Variants in DUSP16 observed in about 807,000 individuals in gnomAD.
DUSP16 encodes dual specificity phosphatase 16.
Under a neutral mutation model 58.3 loss-of-function variants are expected in DUSP16, and 21 were observed. That is an observed-to-expected ratio of 0.36 (90% CI 0.26 to 0.52). DUSP16 has a LOEUF of 0.52. Among genes scored for constraint, DUSP16 ranks in the 20% least tolerant of loss-of-function variants. The pLI is 0.94. For missense variants in DUSP16, 726 were observed against 819.0 expected (o/e 0.89, Z 1.39); for synonymous variants, 320 against 323.8 (o/e 0.99, Z 0.12).
At chr12:12,538,411 T>C (rs1304450532) in intron 1 of DUSP16, among the ~76,000 whole-genome samples, 13 of 152,224 alleles carry the variant, frequency 8.5e-5, no homozygotes. Context: ...CTAGTGCATG[T>C]CTTCTGGCAA....
chr12:12,500,480 T>A (rs376727482), intron 4 of DUSP16, 39 bp downstream of exon 4: 6 of 1,570,502 alleles, frequency 3.8e-6, no homozygotes, highest in Non-Finnish European at 4.3e-6. Flanking sequence ...CAGCTAACAA[T>A]ATAAACCCAG....
chr12:12,555,920 A>T (rs1267924458), intron 1 of DUSP16, among the ~76,000 whole-genome samples: 1 of 152,234 alleles, frequency 6.6e-6, no homozygotes. Flanking sequence ...ACATGCCTAT[A>T]GTCCTAGCTA....
intron 1 of DUSP16, among the ~76,000 whole-genome samples, chr12:12,557,057 T>C (rs563558443): frequency 3.3e-5 from 5 of 152,140 alleles, no homozygotes; most frequent in South Asian, 4.2e-4. Flanking sequence ...AAAAGCTAAC[T>C]GAACAGTAAA....
chr12:12,514,649 C>G (rs571906380), intron 3 of DUSP16, among the ~76,000 whole-genome samples: 14 of 152,276 alleles, frequency 9.2e-5, no homozygotes, highest in African/African-American at 3.1e-4. Context: ...CTACCTCTCT[C>G]TAGCTCTACC....
At chr12:12,519,793 C>T in intron 3 of DUSP16, 69 bp downstream of exon 3, 4 of 1,527,030 alleles carry the variant, frequency 2.6e-6, no homozygotes, top group Non-Finnish European at 2.7e-6. Context: ...ACTGAGTTCA[C>T]AGTGAAATAT....
intron 3 of DUSP16, among the ~76,000 whole-genome samples, chr12:12,508,492 A>G (rs1944029626): frequency 6.6e-6 from 1 of 152,228 alleles, no homozygotes; most frequent in Non-Finnish European, 1.5e-5. Context: ...CCACAGCATT[A>G]GCAGCATTCC....
At chr12:12,507,976 T>G (rs535408080) in intron 3 of DUSP16, among the ~76,000 whole-genome samples, 1 of 152,342 alleles carries the variant, frequency 6.6e-6, no homozygotes, top group South Asian at 2.1e-4. Flanking sequence ...TTTTGTAACA[T>G]AAACACAATC....
At chr12:12,522,396 CA>C (rs1022838750) in intron 1 of DUSP16, among the ~76,000 whole-genome samples, 1 of 152,186 alleles carries the variant, frequency 6.6e-6, no homozygotes, top group African/African-American at 2.4e-5. Context: ...CTCCTTTAAT[CA>C]ATCACTTTCT....
intron 4 of DUSP16, among the ~76,000 whole-genome samples, chr12:12,497,556 A>T (rs1943846594): frequency 6.6e-6 from 1 of 152,126 alleles, no homozygotes; most frequent in African/African-American, 2.4e-5. Flanking sequence ...TCCTATTATG[A>T]GGGTTAAATG....
chr12:12,561,773 C>T lies in DUSP16; in HGVS notation c.-366+344G>A, dbSNP rs138831298. ...GGTGCCGCGTCCCGCGGCGGCCGCT[C>T]CTCTCGGCGGGGCCCGGTCCAAGCG... On this transcript the variant is annotated intron_variant, in intron 1 of 6. Transcript: ENST00000298573. 4.6e-4 allele frequency among the ~76,000 whole-genome samples: 70 copies of T among 151,950 alleles called. No homozygotes were observed. In the East Asian group the frequency reaches 0.011, roughly 25 times the overall value.
At chr12:12,549,730 T>C (rs962325406) in intron 1 of DUSP16, among the ~76,000 whole-genome samples, 9 of 151,672 alleles carry the variant, frequency 5.9e-5, no homozygotes, top group African/African-American at 2.2e-4. Flanking sequence ...AATAAGTAAG[T>C]ATGAACAGAT....
At chr12:12,526,184 T>C (rs1421924090) in intron 1 of DUSP16, among the ~76,000 whole-genome samples, 1 of 152,232 alleles carries the variant, frequency 6.6e-6, no homozygotes, top group Non-Finnish European at 1.5e-5. Context: ...GCAAATCTCC[T>C]AAAGAAATAC....
At chr12:12,525,527 G>C (rs1944293880) in intron 1 of DUSP16, among the ~76,000 whole-genome samples, 1 of 151,896 alleles carries the variant, frequency 6.6e-6, no homozygotes, top group African/African-American at 2.4e-5. Context: ...GCCTCCCAAA[G>C]TGCTGGGATT....
At chr12:12,531,325 C>T (rs1944381018) in intron 1 of DUSP16, among the ~76,000 whole-genome samples, 1 of 152,146 alleles carries the variant, frequency 6.6e-6, no homozygotes, top group East Asian at 1.9e-4. Context: ...TATTTTAAAT[C>T]TCTTAGTACT....
intron 6 of DUSP16, among the ~76,000 whole-genome samples, chr12:12,478,693 A>G (rs1215635232): frequency 6.6e-6 from 1 of 152,168 alleles, no homozygotes; most frequent in Non-Finnish European, 1.5e-5. Flanking sequence ...CACCAGTGCT[A>G]CCATCAAAAG....
chr12:12,489,069 A>G (rs1943726053), intron 4 of DUSP16, among the ~76,000 whole-genome samples: 1 of 152,208 alleles, frequency 6.6e-6, no homozygotes, highest in Non-Finnish European at 1.5e-5. Flanking sequence ...AACAAGAGCA[A>G]AACTCCATCT....
intron 1 of DUSP16, among the ~76,000 whole-genome samples, chr12:12,547,457 C>CG (rs558761380): frequency 1.2e-5 from 1 of 80,454 alleles, no homozygotes; most frequent in Non-Finnish European, 2.4e-5. Context: ...CAAAAAAAAG[C>CG]AAAAAAAAAA....
At position 12,521,181 on chromosome 12, in the gene DUSP16, C is replaced by T. The variant is rs1944231600; in HGVS notation, c.-83G>A. On this transcript the variant is annotated 5_prime_UTR_variant, in exon 2 of 7. In the 5' UTR this introduces an upstream ATG that the reference lacks. Transcript: ENST00000298573. The stretch of plus-strand genomic sequence containing the variant: ...GGTGGTGTGCTCAAAGGCTCAGCCA[C>T]TCCATTGTACTAAAAGTGTATGAGG... 2 of 1,542,852 alleles carry T rather than the reference C, an allele frequency of 1.3e-6. No homozygotes were observed. The highest frequency in any genetic ancestry group is 2.4e-5 in the South Asian group (2 of 82,624).
intron 1 of DUSP16, among the ~76,000 whole-genome samples, chr12:12,538,489 A>T (rs903966537): frequency 6.6e-6 from 1 of 152,248 alleles, no homozygotes; most frequent in Non-Finnish European, 1.5e-5. Context: ...CAGTGGTAAA[A>T]GACAGAAAAT....
Sources: gnomAD v4.1 joint callset for allele counts (sites outside exome capture counted in the v4.1 genomes callset) on GRCh38, gnomAD v4.1.1 for gene constraint, MANE v1.5 for transcripts, NCBI Gene and HGNC (gene_info 2026-07-23, HGNC 2026-07-21) for gene names.